QTGAL: variants seen among roughly 807,000 people sequenced by gnomAD.
QTGAL encodes the protein queuosine-tRNA galactosyltransferase, also known as BGnT-like protein 1.
the QTGAL span, chr17:82,949,347 G>GT: frequency 6.6e-6 from 1 of 152,220 alleles, no homozygotes; most frequent in Non-Finnish European, 1.5e-5. Flanking sequence ...ACATCAGTAA[G>GT]TAACTGTATC....
the QTGAL span, among the ~76,000 whole-genome samples, chr17:82,960,158 G>A: frequency 6.6e-6 from 1 of 152,168 alleles, no homozygotes; most frequent in East Asian, 1.9e-4. Context: ...CAGGAGTGAG[G>A]ATGATGCCCC....
chr17:83,032,827 C>G, the QTGAL span, among the ~76,000 whole-genome samples: 1 of 152,184 alleles, frequency 6.6e-6, no homozygotes, highest in African/African-American at 2.4e-5. Flanking sequence ...CTGGTGCCGC[C>G]CTGGGGGTTC....
chr17:82,961,952 CCT>C, the QTGAL span, among the ~76,000 whole-genome samples: 3 of 147,252 alleles, frequency 2.0e-5, no homozygotes, highest in South Asian at 4.4e-4. Flanking sequence ...GAGCCGGGCC[CCT>C]GTCGCTTTCT....
the QTGAL span, among the ~76,000 whole-genome samples, chr17:82,963,084 A>G: frequency 6.6e-6 from 1 of 152,226 alleles, no homozygotes; most frequent in Non-Finnish European, 1.5e-5. Flanking sequence ...TCAGGGAAGA[A>G]GCCGAGTGGA....
chr17:83,039,952 C>T, the QTGAL span, among the ~76,000 whole-genome samples: 1 of 152,194 alleles, frequency 6.6e-6, no homozygotes, highest in Non-Finnish European at 1.5e-5. Flanking sequence ...ACTCCCCAGG[C>T]TCTCACATGG....
the QTGAL span, among the ~76,000 whole-genome samples, chr17:82,985,066 G>A: frequency 6.6e-6 from 1 of 152,192 alleles, no homozygotes; most frequent in Non-Finnish European, 1.5e-5. Flanking sequence ...CCTGGGGAAG[G>A]GACAGAAGGT....
chr17:83,021,164 C>T, the QTGAL span, among the ~76,000 whole-genome samples: 4 of 152,124 alleles, frequency 2.6e-5, no homozygotes, highest in South Asian at 2.1e-4. Flanking sequence ...ATTTTGAACA[C>T]GAGGTTGTTG....
chr17:83,033,803 T>C, the QTGAL span, among the ~76,000 whole-genome samples: 1 of 151,768 alleles, frequency 6.6e-6, no homozygotes, highest in Non-Finnish European at 1.5e-5. Flanking sequence ...GTGTTATTAG[T>C]TCAGTTTTTA....
chr17:83,046,120 G>A, the QTGAL span, among the ~76,000 whole-genome samples: 4,611 of 151,498 alleles, frequency 0.03, 240 homozygotes, highest in African/African-American at 0.11. Context: ...CACCAAACCC[G>A]GCCCATTTAT....
At chr17:83,023,480 C>T in the QTGAL span, among the ~76,000 whole-genome samples, 5,348 of 151,434 alleles carry the variant, frequency 0.035, 133 homozygotes, top group African/African-American at 0.078. Context: ...AGGCTAAAGC[C>T]GACAAGTCAA....
At chr17:83,032,283 G>C in the QTGAL span, among the ~76,000 whole-genome samples, 1 of 105,960 alleles carries the variant, frequency 9.4e-6, no homozygotes, top group Non-Finnish European at 1.9e-5. Flanking sequence ...GACCGAGCTC[G>C]GGAGCTGAAC....
chr17:82,989,191 T>C, the QTGAL span, among the ~76,000 whole-genome samples: 2 of 152,190 alleles, frequency 1.3e-5, no homozygotes, highest in African/African-American at 2.4e-5. Flanking sequence ...TCATGTACTT[T>C]GCAGGGACAT....
At chr17:82,977,605 G>T in the QTGAL span, among the ~76,000 whole-genome samples, 1 of 152,190 alleles carries the variant, frequency 6.6e-6, no homozygotes, top group Non-Finnish European at 1.5e-5. Flanking sequence ...GGTGCAACTC[G>T]AAACCCACCG....
At chr17:82,973,179 G>C in the QTGAL span, among the ~76,000 whole-genome samples, 4 of 151,764 alleles carry the variant, frequency 2.6e-5, no homozygotes, top group African/African-American at 9.7e-5. Context: ...GAGACCAAAG[G>C]AACCGAAAGG....
chr17:82,973,728 C>G, the QTGAL span, among the ~76,000 whole-genome samples: 1 of 152,152 alleles, frequency 6.6e-6, no homozygotes, highest in Non-Finnish European at 1.5e-5. Flanking sequence ...TTGTAAGCGT[C>G]AAACGAGCGG....
At chr17:82,970,562 ACCTCCGCACCCGG>A in the QTGAL span, among the ~76,000 whole-genome samples, 1 of 129,372 alleles carries the variant, frequency 7.7e-6, no homozygotes, top group African/African-American at 3.1e-5. Context: ...CGTGGCCGCG[ACCTCCGCACCCGG>A]CGTGGCCGCG....
At chr17:83,002,197 T>C in the QTGAL span, among the ~76,000 whole-genome samples, 2 of 152,118 alleles carry the variant, frequency 1.3e-5, no homozygotes. Context: ...AACTCTTCTA[T>C]GGGCATCAAA....
the QTGAL span, chr17:82,960,911 G>T: frequency 0.14 from 180,953 of 1,265,890 alleles, 13,372 homozygotes; most frequent in Admixed American, 0.2. Flanking sequence ...ATGTGCTGTT[G>T]CCCCGTGTCC....
chr17:83,006,911 C>G, the QTGAL span: 1 of 804,254 alleles, frequency 1.2e-6, no homozygotes, highest in Non-Finnish European at 1.5e-6. The surrounding 1 kb of genome is among the most constrained non-coding windows in gnomAD (Gnocchi z 5.8). Context: ...AACTTCCAAA[C>G]AGTCTCCAGA....
Sources: allele counts gnomAD v4.1 joint callset (sites outside exome capture counted in the v4.1 genomes callset), GRCh38; gene constraint gnomAD v4.1.1; non-coding constraint Gnocchi (gnomAD v3.1); transcripts MANE v1.5; gene names NCBI Gene and HGNC (gene_info 2026-07-23, HGNC 2026-07-21).